Variants in ZBTB20 observed in about 807,000 individuals in gnomAD.
The protein encoded by ZBTB20 is zinc finger and BTB domain-containing protein 20.
A neutral mutation model predicts 56.9 loss-of-function variants in ZBTB20; 9 were observed. That is an observed-to-expected ratio of 0.16 (90% CI 0.10 to 0.28). The LOEUF (loss-of-function observed/expected upper bound fraction) is 0.28. Ranked by LOEUF, ZBTB20 falls within the 10% of genes least tolerant of loss-of-function variation. The pLI, the probability that ZBTB20 is intolerant of heterozygous loss-of-function variation, is 1.00. For missense variants in ZBTB20, 655 were observed against 1,003.0 expected (o/e 0.65, Z 4.69); for synonymous variants, 417 against 420.7 (o/e 0.99, Z 0.11).
intron 5 of ZBTB20, among the ~76,000 whole-genome samples, chr3:114,767,116 C>T (rs1405744800): frequency 6.6e-6 from 1 of 152,030 alleles, no homozygotes; most frequent in Non-Finnish European, 1.5e-5. Flanking sequence ...CTTAATTTCA[C>T]CCATTTTCTA....
intron 3 of ZBTB20, among the ~76,000 whole-genome samples, chr3:114,971,911 T>C (rs1213176333): frequency 6.6e-6 from 1 of 152,174 alleles, no homozygotes; most frequent in Non-Finnish European, 1.5e-5. Flanking sequence ...ACTGGATGCC[T>C]GGAACCAGGA....
At chr3:114,749,667 C>G (rs745496068) in intron 5 of ZBTB20, among the ~76,000 whole-genome samples, 6 of 152,100 alleles carry the variant, frequency 3.9e-5, no homozygotes, top group Non-Finnish European at 7.4e-5. Flanking sequence ...AAACTTCTTT[C>G]CCATTACCAA....
chr3:115,057,346 A>C (rs1391374377), intron 2 of ZBTB20, among the ~76,000 whole-genome samples: 1 of 150,874 alleles, frequency 6.6e-6, no homozygotes, highest in Non-Finnish European at 1.5e-5. Context: ...TTACTGTTAT[A>C]TCTCTTTATT....
intron 1 of ZBTB20, among the ~76,000 whole-genome samples, chr3:115,134,531 C>T (rs1159079493): frequency 6.6e-6 from 1 of 151,680 alleles, no homozygotes; most frequent in Non-Finnish European, 1.5e-5. Flanking sequence ...TGCTTGGATA[C>T]ATTTCTTGCA....
chr3:114,714,652 T>C (rs1030512744), intron 5 of ZBTB20, among the ~76,000 whole-genome samples: 2 of 152,230 alleles, frequency 1.3e-5, no homozygotes, highest in East Asian at 3.9e-4. Flanking sequence ...TAACTACCAA[T>C]GTTTTCAGAA....
At chr3:114,466,639 T>G (rs2109202258) in intron 7 of ZBTB20, among the ~76,000 whole-genome samples, 1 of 152,264 alleles carries the variant, frequency 6.6e-6, no homozygotes, top group East Asian at 1.9e-4. Context: ...ATGGAAGAGA[T>G]AGTTTGGGCA....
intron 5 of ZBTB20, among the ~76,000 whole-genome samples, chr3:114,739,655 A>G (rs2066435397): frequency 6.6e-6 from 1 of 152,250 alleles, no homozygotes; most frequent in South Asian, 2.1e-4. Flanking sequence ...AACACTTCAA[A>G]ACAATTTTAG....
intron 7 of ZBTB20, among the ~76,000 whole-genome samples, chr3:114,397,743 C>T (rs1424847351): frequency 6.6e-6 from 1 of 152,112 alleles, no homozygotes; most frequent in Non-Finnish European, 1.5e-5. Context: ...TTCAAACTCG[C>T]AAGTGTACAC....
At chr3:114,719,101 A>T (rs1332509226) in intron 5 of ZBTB20, among the ~76,000 whole-genome samples, 1 of 148,028 alleles carries the variant, frequency 6.8e-6, no homozygotes, top group Non-Finnish European at 1.5e-5. Flanking sequence ...AGGAAGAAGA[A>T]GTAAAGATTA....
chr3:114,380,641 T>C, intron 9 of ZBTB20, 136 bp downstream of exon 9: 1 of 1,305,992 alleles, frequency 7.7e-7, no homozygotes, highest in Non-Finnish European at 1.0e-6. Context: ...TGGACTCTGT[T>C]GGCTGCATAA....
In ZBTB20 at chr3:114,555,662, T is replaced by C. The variant is rs867838991; in HGVS notation, c.-294-55271A>G. On this transcript the variant is annotated intron_variant, in intron 6 of 11. Coordinates refer to ENST00000675478, the MANE Select transcript of ZBTB20 (RefSeq NM_001348800.3). The stretch of plus-strand genomic sequence containing the variant: ...CATTTATCACAACTGTCAGTGCCCC[T>C]GTGGAAGAGTAATGACCCTCAGGCA... Among the ~76,000 whole-genome samples the C allele has an allele frequency of 5.3e-5, 8 of 152,232 alleles. No individual in the cohort carries two copies. In the South Asian group the frequency reaches 1.7e-3, roughly 32 times the overall value.
In ZBTB20 at chr3:114,955,375, G is replaced by A. The variant is rs150847789; in HGVS notation, c.-456+18991C>T. 2.6e-3 allele frequency among the ~76,000 whole-genome samples: 402 copies of A among 152,244 alleles called. 2 individuals are homozygous for A. Among genetic ancestry groups the A allele is most frequent in the Admixed American group, 4.1e-3 (62 of 15,272 alleles). On this transcript the variant is annotated intron_variant, in intron 3 of 11. Transcript: ENST00000675478. ...TGAGTTCTGTTTACAGAGCACATAC[G>A]AAATTGTCTTTTTCTCTCCACATTG...
At chr3:114,724,823 C>A (rs1235335433) in intron 5 of ZBTB20, among the ~76,000 whole-genome samples, 1 of 151,704 alleles carries the variant, frequency 6.6e-6, no homozygotes, top group Non-Finnish European at 1.5e-5. Flanking sequence ...ATTTGATTTG[C>A]CAAAGAAAAA....
chr3:114,483,817 T>C (rs2041818739), intron 7 of ZBTB20, among the ~76,000 whole-genome samples: 1 of 152,120 alleles, frequency 6.6e-6, no homozygotes, highest in Non-Finnish European at 1.5e-5. Flanking sequence ...GTGAGCTTTA[T>C]TAAAATATCA....
At chr3:114,469,915 T>C (rs2039927851) in intron 7 of ZBTB20, among the ~76,000 whole-genome samples, 1 of 152,156 alleles carries the variant, frequency 6.6e-6, no homozygotes, top group Non-Finnish European at 1.5e-5. Flanking sequence ...AAAATCAGTA[T>C]TACTTATTCA....
At chr3:114,556,214 G>A (rs949877375) in intron 6 of ZBTB20, among the ~76,000 whole-genome samples, 1 of 152,074 alleles carries the variant, frequency 6.6e-6, no homozygotes, top group Non-Finnish European at 1.5e-5. Context: ...GAACAGTTAT[G>A]TGGTATGAAC....
chr3:114,531,610 T>C (rs1337098290), intron 6 of ZBTB20, among the ~76,000 whole-genome samples: 3 of 152,068 alleles, frequency 2.0e-5, no homozygotes, highest in Non-Finnish European at 4.4e-5. Flanking sequence ...GAAAGAAAGA[T>C]TTTTGGGGAG....
intron 6 of ZBTB20, among the ~76,000 whole-genome samples, chr3:114,667,716 T>G (rs1921494): frequency 0.2 from 29,835 of 152,012 alleles, 4,234 homozygotes; most frequent in African/African-American, 0.39. Flanking sequence ...TATTCCAGAT[T>G]TAGGAATTTT....
At position 114,322,545 on chromosome 3, in the gene ZBTB20, A is replaced by G. The variant is rs1341205591; in HGVS notation, c.*16460T>C. ...CAAATTTCAAGGAAGAAGTTTTCCA[A>G]AGCCTCAAGAGAAGTATCCTAGGAC... On this transcript the variant is annotated 3_prime_UTR_variant, in exon 12 of 12. Coordinates refer to ENST00000675478, the MANE Select transcript of ZBTB20 (RefSeq NM_001348800.3). 1 of 152,236 alleles carries G rather than the reference A, an allele frequency of 6.6e-6. No homozygotes were observed. The highest frequency in any genetic ancestry group is 2.4e-5 in the African/African-American group (1 of 41,464). The allele number at this position is 152,236 out of a possible 1,614,324, so 9.4% of individuals were successfully genotyped here.
Sources: allele counts gnomAD v4.1 joint callset (sites outside exome capture counted in the v4.1 genomes callset), GRCh38; gene constraint gnomAD v4.1.1; transcripts MANE v1.5; gene names NCBI Gene and HGNC (gene_info 2026-07-23, HGNC 2026-07-21).